LHFPL2: variants seen among roughly 807,000 people sequenced by gnomAD.
LHFPL2 encodes LHFPL tetraspan subfamily member 2.
Under a neutral mutation model 17.5 loss-of-function variants are expected in LHFPL2, and 7 were observed. That is an observed-to-expected ratio of 0.40 (90% CI 0.23 to 0.75). LHFPL2 has a LOEUF of 0.75. Ranked by LOEUF, LHFPL2 falls within the 30% of genes least tolerant of loss-of-function variation. The pLI, the probability that LHFPL2 is intolerant of heterozygous loss-of-function variation, is 0.37. For synonymous variants in LHFPL2, 134 were observed against 116.2 expected, an observed-to-expected ratio of 1.15 and a Z score of -0.99; for missense variants, 241 against 294.8, an observed-to-expected ratio of 0.82 and a Z score of 1.34.
intron 2 of LHFPL2, among the ~76,000 whole-genome samples, chr5:78,616,131 TGG>T (rs67762385): frequency 7.5e-6 from 1 of 133,508 alleles, no homozygotes; most frequent in Non-Finnish European, 1.6e-5. Context: ...GTTGTTGTTT[TGG>T]GGGTTTTTTT....
intron 2 of LHFPL2, among the ~76,000 whole-genome samples, chr5:78,621,366 A>C (rs1337274979): frequency 6.6e-6 from 1 of 151,640 alleles, no homozygotes; most frequent in Non-Finnish European, 1.5e-5. Flanking sequence ...AATCTGAGCA[A>C]ACACACTCTA....
At chr5:78,545,704 A>C (rs1756251733) in intron 3 of LHFPL2, among the ~76,000 whole-genome samples, 1 of 152,214 alleles carries the variant, frequency 6.6e-6, no homozygotes, top group Non-Finnish European at 1.5e-5. Context: ...TATCAAAACA[A>C]ACCTAAGTGC....
intron 4 of LHFPL2, among the ~76,000 whole-genome samples, chr5:78,495,349 G>T (rs560130582): frequency 6.6e-6 from 1 of 152,290 alleles, no homozygotes; most frequent in South Asian, 2.1e-4. Context: ...CAATGGATGG[G>T]ACTCAAGGTT....
chr5:78,489,299 A>G (rs949853815), intron 4 of LHFPL2, 146 bp from the exon 5 acceptor site: 17 of 800,398 alleles, frequency 2.1e-5, no homozygotes, highest in Non-Finnish European at 3.1e-5. Context: ...CATGCAAACT[A>G]ATCTGACCTG....
chr5:78,638,945 T>C (rs773546828), intron 1 of LHFPL2, among the ~76,000 whole-genome samples: 7 of 152,344 alleles, frequency 4.6e-5, no homozygotes, highest in South Asian at 2.1e-4. Flanking sequence ...GGAAATCTAA[T>C]TGGATGGCAG....
intron 3 of LHFPL2, among the ~76,000 whole-genome samples, chr5:78,537,580 C>T (rs1755988606): frequency 6.6e-6 from 1 of 152,140 alleles, no homozygotes; most frequent in South Asian, 2.1e-4. Context: ...AAGATGATTT[C>T]TGCTCAAAGC....
At chr5:78,534,748 C>T (rs1255554765) in intron 3 of LHFPL2, among the ~76,000 whole-genome samples, 3 of 152,196 alleles carry the variant, frequency 2.0e-5, no homozygotes, top group African/African-American at 4.8e-5. Context: ...TGTCAGGAGG[C>T]CCCATCAACA....
rs866046641 is a variant in LHFPL2 at position 78,581,926 on chromosome 5, A to C, written c.-244-17055T>G. 6.4e-3 allele frequency among the ~76,000 whole-genome samples: 968 copies of C among 152,102 alleles called. 6 individuals are homozygous for C. The highest frequency in any genetic ancestry group is 0.022 in the African/African-American group (893 of 41,482). On this transcript the variant is annotated intron_variant, in intron 2 of 4. Coordinates refer to ENST00000380345, the MANE Select transcript of LHFPL2 (RefSeq NM_005779.3). ...CTGTGAATCCATCTGGTCCTGTACTATTTTTGGTTGGTAAGCTATTGATTA... is the reference window on the plus strand; with the variant it reads ...CTGTGAATCCATCTGGTCCTGTACTCTTTTTGGTTGGTAAGCTATTGATTA...
chr5:78,522,141 C>T (rs1755476181), intron 3 of LHFPL2, among the ~76,000 whole-genome samples: 1 of 152,128 alleles, frequency 6.6e-6, no homozygotes, highest in African/African-American at 2.4e-5. Context: ...AAAACTAAAG[C>T]ACTTAAAAAG....
At chr5:78,565,828 T>C (rs1423921257) in intron 2 of LHFPL2, among the ~76,000 whole-genome samples, 2 of 152,232 alleles carry the variant, frequency 1.3e-5, no homozygotes, top group Non-Finnish European at 2.9e-5. Context: ...CTACAAAGCC[T>C]ATTCATCACC....
At position 78,531,354 on chromosome 5, in the gene LHFPL2, G is replaced by A. The variant is rs189195595; in HGVS notation, c.-185-20956C>T. Among the ~76,000 whole-genome samples, 318 of 149,754 alleles carry A rather than the reference G, an allele frequency of 2.1e-3. 1 individual carries two copies. Among genetic ancestry groups the A allele is most frequent in the Admixed American group, 6.0e-3 (90 of 14,878 alleles). ...CGCTTGAATCCACGAGGCAGAGGTT[G>A]TGGTGAGCACAGATCGTGCCACTGC... On this transcript the variant is annotated intron_variant, in intron 3 of 4. Transcript: ENST00000380345.
At chr5:78,570,138 T>C (rs1756957480) in intron 2 of LHFPL2, among the ~76,000 whole-genome samples, 1 of 152,188 alleles carries the variant, frequency 6.6e-6, no homozygotes, top group Non-Finnish European at 1.5e-5. Context: ...CTTACTCCTC[T>C]CAATATCTCT....
rs1181630525 is a variant in LHFPL2, at chr5:78,509,979, C to A, written c.235G>T (p.Asp79Tyr). ...RNPGVQHFQR[D>Y]TLCGPYAESF... ...TCGGCGTAGGGCCCGCACAGCGTGT[C>A]CCGCTGGAAGTGCTGCACCCCTGGG... Residue 79 changes from aspartate to tyrosine, a missense_variant, in exon 4 of 5, where the codon GAC (aspartate) becomes TAC (tyrosine). Coordinates refer to ENST00000380345, the MANE Select transcript of LHFPL2 (RefSeq NM_005779.3). 6.2e-7 allele frequency: 1 copy of A among 1,613,688 alleles called. No homozygotes were observed. The highest frequency in any genetic ancestry group is 8.5e-7 in the Non-Finnish European group (1 of 1,179,976).
intron 1 of LHFPL2, among the ~76,000 whole-genome samples, chr5:78,637,995 A>G (rs2112523355): frequency 6.6e-6 from 1 of 152,314 alleles, no homozygotes; most frequent in East Asian, 1.9e-4. Flanking sequence ...TCTTGGGGCC[A>G]GATCACCATC....
At chr5:78,497,976 A>G (rs1302400089) in intron 4 of LHFPL2, among the ~76,000 whole-genome samples, 1 of 152,250 alleles carries the variant, frequency 6.6e-6, no homozygotes, top group Non-Finnish European at 1.5e-5. Flanking sequence ...CTGCCAAGAC[A>G]GGCCGCGGCT....
chr5:78,644,926 T>C (rs1209290476), intron 1 of LHFPL2: 1 of 155,800 alleles, frequency 6.4e-6, no homozygotes, highest in Non-Finnish European at 1.4e-5. Context: ...GCTGTCTCTA[T>C]GGTGCTCAGT....
chr5:78,522,591 T>C (rs1164922614), intron 3 of LHFPL2, among the ~76,000 whole-genome samples: 3 of 152,186 alleles, frequency 2.0e-5, no homozygotes, highest in Non-Finnish European at 4.4e-5. Flanking sequence ...TCTAAAGTGG[T>C]AAGGCAATTC....
At chr5:78,490,767 A>C (rs1754416407) in intron 4 of LHFPL2, among the ~76,000 whole-genome samples, 1 of 151,400 alleles carries the variant, frequency 6.6e-6, no homozygotes, top group Non-Finnish European at 1.5e-5. Flanking sequence ...AAAAAAAAGC[A>C]AGATACTGCA....
At chr5:78,520,841 C>T (rs912174609) in intron 3 of LHFPL2, among the ~76,000 whole-genome samples, 2 of 152,202 alleles carry the variant, frequency 1.3e-5, no homozygotes, top group African/African-American at 2.4e-5. Flanking sequence ...CCCCCTGCCC[C>T]GGGCCGCAGA....
Sources: allele counts gnomAD v4.1 joint callset (sites outside exome capture counted in the v4.1 genomes callset), GRCh38; gene constraint gnomAD v4.1.1; transcripts MANE v1.5; gene names NCBI Gene and HGNC (gene_info 2026-07-23, HGNC 2026-07-21).